EXOC4: variants seen among roughly 807,000 people sequenced by gnomAD.
EXOC4 encodes SEC8-like 1.
Under a neutral mutation model 107.2 loss-of-function variants are expected in EXOC4, and 71 were observed. That is an observed-to-expected ratio of 0.66 (90% CI 0.55 to 0.81). The LOEUF is 0.81. Ranked by LOEUF, EXOC4 falls within the 30% of genes least tolerant of loss-of-function variation. The pLI is 0.00. For missense variants in EXOC4, 1,108 were observed against 1,189.6 expected, an observed-to-expected ratio of 0.93 and a Z score of 1.01; for synonymous variants, 456 against 441.2, an observed-to-expected ratio of 1.03 and a Z score of -0.42.
chr7:133,873,381 C>T (rs185573521), intron 11 of EXOC4, among the ~76,000 whole-genome samples: 1 of 152,166 alleles, frequency 6.6e-6, no homozygotes, highest in East Asian at 1.9e-4. Context: ...CCTCACACCT[C>T]CCTCCTAGAG....
At chr7:133,940,696 G>T (rs1190555576) in intron 14 of EXOC4, among the ~76,000 whole-genome samples, 1 of 152,136 alleles carries the variant, frequency 6.6e-6, no homozygotes, top group African/African-American at 2.4e-5. Context: ...AACAAAGCAG[G>T]GGATTCTCTG....
At chr7:133,404,785 G>A (rs1339166952) in intron 7 of EXOC4, among the ~76,000 whole-genome samples, 1 of 151,824 alleles carries the variant, frequency 6.6e-6, no homozygotes, top group African/African-American at 2.4e-5. Context: ...CAGCACTTTG[G>A]GAGGCTGGGG....
At chr7:133,639,052 T>TTA (rs1170934435) in intron 10 of EXOC4, among the ~76,000 whole-genome samples, 1 of 152,222 alleles carries the variant, frequency 6.6e-6, no homozygotes. Flanking sequence ...TGACGAAATA[T>TTA]GTTTATGTCC....
At position 133,480,333 on chromosome 7, in the gene EXOC4, G is replaced by A. The variant is rs1034590007; in HGVS notation, c.1417+195G>A. ...AACTATTACTGTGGCCATAGGACTT[G>A]TAGACCTGCTACTGTTCAAGTGGGA... On this transcript the variant is annotated intron_variant, in intron 9 of 17. Coordinates refer to ENST00000253861, the MANE Select transcript of EXOC4 (RefSeq NM_021807.4). 3.1e-5 allele frequency: 44 copies of A among 1,405,074 alleles called. No individual in the cohort carries two copies. The South Asian group carries it at 4.8e-4, about 15-fold the overall frequency. The allele number at this position is 1,405,074 out of a possible 1,614,324, so 87.0% of individuals were successfully genotyped here.
intron 9 of EXOC4, among the ~76,000 whole-genome samples, chr7:133,509,540 C>T (rs950671009): frequency 5.0e-5 from 6 of 120,982 alleles, no homozygotes; most frequent in African/African-American, 1.9e-4. Context: ...TTCCTCTCTC[C>T]CTGGCATTTG....
intron 10 of EXOC4, among the ~76,000 whole-genome samples, chr7:133,677,757 C>G (rs142096812): frequency 1.3e-4 from 19 of 151,910 alleles, no homozygotes; most frequent in Middle Eastern, 3.4e-3. Context: ...ATCTTAAATC[C>G]TTCTCTTTCT....
intron 5 of EXOC4, among the ~76,000 whole-genome samples, chr7:133,345,831 G>A (rs1443441590): frequency 6.6e-6 from 1 of 152,108 alleles, no homozygotes; most frequent in Non-Finnish European, 1.5e-5. Flanking sequence ...AACAACTTTT[G>A]GCTCCTCCTT....
chr7:133,338,485 C>T (rs1158561057), intron 5 of EXOC4, among the ~76,000 whole-genome samples: 15 of 144,702 alleles, frequency 1.0e-4, no homozygotes, highest in Admixed American at 2.8e-4. Flanking sequence ...CCCAGCTACT[C>T]GGGAGGCTGA....
intron 9 of EXOC4, among the ~76,000 whole-genome samples, chr7:133,567,349 G>T (rs1427978215): frequency 6.6e-6 from 1 of 151,256 alleles, no homozygotes; most frequent in East Asian, 1.9e-4. Context: ...GTATATCATG[G>T]AGTTTTATTT....
chr7:133,751,690 CAT>C (rs1191820556), intron 10 of EXOC4, among the ~76,000 whole-genome samples: 1 of 152,148 alleles, frequency 6.6e-6, no homozygotes, highest in African/African-American at 2.4e-5. Flanking sequence ...CTTTTTGTCA[CAT>C]GAGTTTTTAC....
At chr7:133,574,984 A>G (rs1372341088) in intron 9 of EXOC4, among the ~76,000 whole-genome samples, 1 of 152,228 alleles carries the variant, frequency 6.6e-6, no homozygotes, top group Non-Finnish European at 1.5e-5. Context: ...ATGCGTTTAT[A>G]TTATCTGTAT....
intron 7 of EXOC4, among the ~76,000 whole-genome samples, chr7:133,425,959 C>T (rs1026830636): frequency 5.3e-5 from 8 of 152,188 alleles, no homozygotes; most frequent in Admixed American, 2.0e-4. Context: ...ATTTGATTGA[C>T]GTCTGATGCC....
chr7:133,819,514 T>TGGAG (rs1224235331), intron 11 of EXOC4, among the ~76,000 whole-genome samples: 1 of 152,004 alleles, frequency 6.6e-6, no homozygotes, highest in Non-Finnish European at 1.5e-5. Flanking sequence ...CATGGATGGA[T>TGGAG]GGATGGATGG....
chr7:133,785,309 G>A (rs944469073), intron 10 of EXOC4, among the ~76,000 whole-genome samples: 9 of 151,582 alleles, frequency 5.9e-5, no homozygotes, highest in East Asian at 1.9e-4. Context: ...AAAAAAAATC[G>A]GTATTTGATC....
chr7:133,540,453 A>C lies in EXOC4; in HGVS notation c.1417+60315A>C, dbSNP rs115745339. On this transcript the variant is annotated intron_variant, in intron 9 of 17. Transcript: ENST00000253861. The stretch of plus-strand genomic sequence containing the variant: ...TGATTACCCCATCATAGTTCTTATT[A>C]CTTCAGAAAACTATTAAAAGAACAC... Among the ~76,000 whole-genome samples the C allele has an allele frequency of 4.8e-3, 735 of 152,332 alleles. 3 individuals are homozygous for C. Among genetic ancestry groups the C allele is most frequent in the Middle Eastern group, 0.017 (5 of 294 alleles).
At position 133,752,772 on chromosome 7, in the gene EXOC4, A is replaced by G. The variant is rs866344792; in HGVS notation, c.1515-64553A>G. 3.0e-4 allele frequency among the ~76,000 whole-genome samples: 46 copies of G among 152,352 alleles called. 1 individual carries two copies. Among genetic ancestry groups the G allele is most frequent in the African/African-American group, 9.4e-4 (39 of 41,584 alleles). On this transcript the variant is annotated intron_variant, in intron 10 of 17. Coordinates refer to ENST00000253861, the MANE Select transcript of EXOC4 (RefSeq NM_021807.4). ...GAGAAGGCACAAGTAACTTGACTCA[A>G]CGTGTAAATGTTAACTTAATGAATG...
chr7:133,332,952 A>G (rs1419469961), intron 5 of EXOC4, among the ~76,000 whole-genome samples: 5 of 152,128 alleles, frequency 3.3e-5, no homozygotes, highest in African/African-American at 9.7e-5. Context: ...TTTAGCACCT[A>G]CTTTGCTACA....
At chr7:133,750,709 A>T (rs1327129296) in intron 10 of EXOC4, among the ~76,000 whole-genome samples, 1 of 151,848 alleles carries the variant, frequency 6.6e-6, no homozygotes, top group African/African-American at 2.4e-5. Flanking sequence ...CCTCCCAAGT[A>T]GCTGGGACCA....
chr7:133,677,488 A>G (rs1233417836), intron 10 of EXOC4, among the ~76,000 whole-genome samples: 2 of 152,186 alleles, frequency 1.3e-5, no homozygotes, highest in African/African-American at 4.8e-5. Flanking sequence ...AAGTTTATCA[A>G]TCATAAAAAT....
Sources: allele counts gnomAD v4.1 joint callset (sites outside exome capture counted in the v4.1 genomes callset), GRCh38; gene constraint gnomAD v4.1.1; transcripts MANE v1.5; gene names NCBI Gene and HGNC (gene_info 2026-07-23, HGNC 2026-07-21).